Variants in PLPP3 observed in about 807,000 individuals in gnomAD.
PLPP3 encodes the protein PAP2 beta.
Under a neutral mutation model 29.6 loss-of-function variants are expected in PLPP3, and 6 were observed. That is an observed-to-expected ratio of 0.20 (90% CI 0.11 to 0.40). The LOEUF (loss-of-function observed/expected upper bound fraction) is 0.40. Among genes scored for constraint, PLPP3 ranks in the 10% least tolerant of loss-of-function variants. The pLI, the probability that PLPP3 is intolerant of heterozygous loss-of-function variation, is 1.00. For synonymous variants in PLPP3, 152 were observed against 159.7 expected, an observed-to-expected ratio of 0.95 and a Z score of 0.36; for missense variants, 308 against 407.7, an observed-to-expected ratio of 0.76 and a Z score of 2.11.
In PLPP3 at chr1:56,560,978, C is replaced by T. The variant is rs563065085; in HGVS notation, c.139+17900G>A. ...TCAGCCTCCCGAGTAGCTGGGATTA[C>T]AGGCGCCTGCCACCATGCCCGGGTA... On this transcript the variant is annotated intron_variant, in intron 1 of 5. Transcript: ENST00000371250. Among the ~76,000 whole-genome samples, 278 of 151,410 alleles carry T rather than the reference C, an allele frequency of 1.8e-3. 1 individual carries two copies. The highest frequency in any genetic ancestry group is 3.4e-3 in the Middle Eastern group (1 of 290).
At chr1:56,513,995 T>A (rs1645764131) in intron 4 of PLPP3, among the ~76,000 whole-genome samples, 1 of 151,692 alleles carries the variant, frequency 6.6e-6, no homozygotes, top group Non-Finnish European at 1.5e-5. Flanking sequence ...AAAAAATTAT[T>A]CTAAAGATAA....
chr1:56,563,546 A>C (rs1236631528), intron 1 of PLPP3, among the ~76,000 whole-genome samples: 3 of 152,226 alleles, frequency 2.0e-5, no homozygotes, highest in Non-Finnish European at 2.9e-5. Context: ...AAGGCTCTAC[A>C]GAACTGGAAC....
intron 1 of PLPP3, among the ~76,000 whole-genome samples, chr1:56,561,004 A>ATT (rs375933115): frequency 0.057 from 7,597 of 133,166 alleles, 395 homozygotes; most frequent in East Asian, 0.14. Flanking sequence ...TGCCCGGGTA[A>ATT]TTTTTTTTTT....
chr1:56,524,288 G>A lies in PLPP3; in HGVS notation c.564C>T (p.Val188=), dbSNP rs1282101240. 8 of 1,613,354 alleles carry A rather than the reference G, an allele frequency of 5.0e-6. No individual in the cohort carries two copies. In the African/African-American group the frequency reaches 1.1e-4, roughly 22 times the overall value. Reference sequence around the variant, plus strand: ...AGGTGGTGTCTCACCTGGCTTCCTGGACTTTGCTGTCATCACCTCTGCATC... The same window carrying A: ...AGGTGGTGTCTCACCTGGCTTCCTGAACTTTGCTGTCATCACCTCTGCATC... ...NYRCRGDDSK[V]QEARKSFFSG... The change falls in exon 3 of 6, where the codon GTC becomes GTT. Residue 188 remains valine (V), a synonymous_variant. Transcript: ENST00000371250. This position sits in a 1 kb window ranked among gnomAD's most constrained non-coding sequence, Gnocchi z 4.3.
chr1:56,538,398 CAAAAA>C lies in PLPP3; in HGVS notation c.140-1291_140-1287del, dbSNP rs1402833001. The C allele has an allele frequency of 8.6e-6, 3 of 348,132 alleles. No individual in the cohort carries two copies. The East Asian group carries it at 2.2e-4, about 25-fold the overall frequency. 21.6% of individuals were successfully genotyped at this position (348,132 alleles called of 1,614,324 possible). A position where few individuals can be genotyped will look rare whatever the true frequency, so the allele number is the denominator to read the frequency against. On this transcript the variant is annotated intron_variant, in intron 1 of 5. Coordinates refer to ENST00000371250, the MANE Select transcript of PLPP3 (RefSeq NM_003713.5). ...AAATCTTGGAACTAGGGAAGACCAC[CAAAAA>C]CACAGTGGCCTTTCAGCTGGAACTG...
chr1:56,558,504 T>C (rs969482639), intron 1 of PLPP3, among the ~76,000 whole-genome samples: 3 of 152,234 alleles, frequency 2.0e-5, no homozygotes, highest in African/African-American at 7.2e-5. Flanking sequence ...CAGGTAGCAC[T>C]CTCTTATGCA....
chr1:56,551,304 C>T (rs552867727), intron 1 of PLPP3, among the ~76,000 whole-genome samples: 31,834 of 131,854 alleles, frequency 0.24, 4,583 homozygotes, highest in South Asian at 0.32. Flanking sequence ...CGGTTCGGTT[C>T]GGTTCGGTTC....
chr1:56,532,200 C>T (rs1645893844), intron 2 of PLPP3, among the ~76,000 whole-genome samples: 1 of 152,122 alleles, frequency 6.6e-6, no homozygotes. Context: ...TCCCACTGTT[C>T]CCCCAGGGAT....
chr1:56,557,032 G>GAAAGAAAGAA lies in PLPP3; in HGVS notation c.140-19921_140-19920insTTCTTTCTTT, dbSNP rs1461612290. On this transcript the variant is annotated intron_variant, in intron 1 of 5. Transcript: ENST00000371250. ...AAAGAGAGAGAGAGAGAGAAAGAGA[G>GAAAGAAAGAA]AGAGAGAGAGAGAGAGAGAGAGAGA... Among the ~76,000 whole-genome samples the GAAAGAAAGAA allele has an allele frequency of 3.3e-3, 37 of 11,110 alleles. 10 individuals carry two copies. Among genetic ancestry groups the GAAAGAAAGAA allele is most frequent in the African/African-American group, 5.7e-3 (30 of 5,294 alleles). The allele number at this position is 11,110 out of a possible 152,430, so 7.3% of individuals were successfully genotyped here. A position where few individuals can be genotyped will look rare whatever the true frequency, so the allele number is the denominator to read the frequency against.
At chr1:56,560,561 G>A (rs1187983636) in intron 1 of PLPP3, among the ~76,000 whole-genome samples, 1 of 152,110 alleles carries the variant, frequency 6.6e-6, no homozygotes, top group Non-Finnish European at 1.5e-5. Flanking sequence ...TATGATGGAA[G>A]GGCAGAGGGG....
intron 2 of PLPP3, among the ~76,000 whole-genome samples, chr1:56,530,536 C>A (rs977518178): frequency 6.6e-6 from 1 of 152,234 alleles, no homozygotes; most frequent in East Asian, 1.9e-4. Context: ...AAGCATATGA[C>A]TGACAAAGAT....
chr1:56,496,401 G>T lies in PLPP3; in HGVS notation c.*150C>A, dbSNP rs1645631300. 3.2e-6 allele frequency: 3 copies of T among 930,804 alleles called. No homozygotes were observed. Among genetic ancestry groups the T allele is most frequent in the Non-Finnish European group, 4.7e-6 (3 of 639,302 alleles). 57.7% of individuals were successfully genotyped at this position (930,804 alleles called of 1,614,324 possible). A position where few individuals can be genotyped will look rare whatever the true frequency, so the allele number is the denominator to read the frequency against. ...AGGCAAACACTACCTATTTTGGAAGGCCACATAGTAAAACATTTTTTTTTT... is the reference window on the plus strand; with the variant it reads ...AGGCAAACACTACCTATTTTGGAAGTCCACATAGTAAAACATTTTTTTTTT... On this transcript the variant is annotated 3_prime_UTR_variant, in exon 6 of 6. Coordinates refer to ENST00000371250, the MANE Select transcript of PLPP3 (RefSeq NM_003713.5).
At chr1:56,530,995 T>C (rs1645884054) in intron 2 of PLPP3, among the ~76,000 whole-genome samples, 1 of 152,202 alleles carries the variant, frequency 6.6e-6, no homozygotes, top group Non-Finnish European at 1.5e-5. Context: ...GGTTAGAGTT[T>C]GGCTCTTTGA....
intron 4 of PLPP3, among the ~76,000 whole-genome samples, chr1:56,517,655 G>A (rs1645790595): frequency 6.6e-6 from 1 of 152,208 alleles, no homozygotes; most frequent in African/African-American, 2.4e-5. Context: ...TGTGCTCTAA[G>A]CACAGAACCG....
chr1:56,574,842 T>C (rs1490847940), intron 1 of PLPP3, among the ~76,000 whole-genome samples: 1 of 152,206 alleles, frequency 6.6e-6, no homozygotes, highest in Non-Finnish European at 1.5e-5. Flanking sequence ...GGTATGTTAC[T>C]ACATCACAAT....
At chr1:56,557,028 G>GAAAGAAAAGAA (rs759578673) in intron 1 of PLPP3, among the ~76,000 whole-genome samples, 1 of 11,730 alleles carries the variant, frequency 8.5e-5, no homozygotes, top group Admixed American at 9.5e-4. Context: ...GAGAGAGAAA[G>GAAAGAAAAGAA]AGAGAGAGAG....
chr1:56,539,283 C>T (rs1050233770), intron 1 of PLPP3, among the ~76,000 whole-genome samples: 1 of 152,148 alleles, frequency 6.6e-6, no homozygotes, highest in African/African-American at 2.4e-5. Flanking sequence ...AAATTCACAT[C>T]ATGTTGCTTG....
chr1:56,555,397 C>T (rs1319095178), intron 1 of PLPP3, among the ~76,000 whole-genome samples: 6 of 119,664 alleles, frequency 5.0e-5, no homozygotes, highest in Non-Finnish European at 9.8e-5. Context: ...TGCAATTTGC[C>T]ATAATCACTT....
intron 1 of PLPP3, among the ~76,000 whole-genome samples, chr1:56,548,755 C>T (rs543009785): frequency 7.2e-5 from 11 of 152,184 alleles, no homozygotes; most frequent in Non-Finnish European, 1.2e-4. Flanking sequence ...AGGATGCCCT[C>T]AGCACATGAC....
Sources: allele counts gnomAD v4.1 joint callset (sites outside exome capture counted in the v4.1 genomes callset), GRCh38; gene constraint gnomAD v4.1.1; non-coding constraint Gnocchi (gnomAD v3.1); transcripts MANE v1.5; gene names NCBI Gene and HGNC (gene_info 2026-07-23, HGNC 2026-07-21).